Variants in P3H2 observed in about 807,000 individuals in gnomAD.
P3H2 encodes the protein prolyl 3-hydroxylase 2.
A neutral mutation model predicts 87.0 loss-of-function variants in P3H2; 80 were observed. The observed-to-expected ratio is 0.92, with a 90% confidence interval of 0.77 to 1.11. The LOEUF (loss-of-function observed/expected upper bound fraction) is 1.11. Among genes scored for constraint, P3H2 ranks in the 50% least tolerant of loss-of-function variants. The probability of loss-of-function intolerance (pLI) is 0.00; values close to 1 mark genes in which losing one functional copy is unlikely to be tolerated. For missense variants in P3H2, 1,001 were observed against 923.9 expected, an observed-to-expected ratio of 1.08 and a Z score of -1.08; for synonymous variants, 367 against 359.3, an observed-to-expected ratio of 1.02 and a Z score of -0.24.
chr3:189,970,319 A>G (rs1175809471), intron 13 of P3H2, among the ~76,000 whole-genome samples: 1 of 145,110 alleles, frequency 6.9e-6, no homozygotes, highest in Non-Finnish European at 1.5e-5. Flanking sequence ...TAATATATAT[A>G]CACACATACC....
intron 1 of P3H2, among the ~76,000 whole-genome samples, chr3:190,065,034 C>T (rs1350025406): frequency 1.3e-5 from 2 of 152,114 alleles, no homozygotes; most frequent in South Asian, 2.1e-4. Context: ...TGGAGGACTC[C>T]CTGCCTAAAA....
At chr3:190,025,240 C>T (rs189378755) in intron 1 of P3H2, among the ~76,000 whole-genome samples, 244 of 152,042 alleles carry the variant, frequency 1.6e-3, no homozygotes, top group Non-Finnish European at 5.3e-4. Context: ...CCTCAGAGAC[C>T]GTAACTTTTC....
Position 190,103,788 on chromosome 3 carries a change from G to C in P3H2, c.480+16464C>G, listed in dbSNP as rs553590484. On this transcript the variant is annotated intron_variant, in intron 1 of 14. Coordinates refer to ENST00000319332, the MANE Select transcript of P3H2 (RefSeq NM_018192.4). ...GAGATTTTTATTCAACATTAGAAAA[G>C]TTTTTCAGTAGCTTTTTTTTTTCAA... is the stretch of plus-strand genomic sequence containing the variant. Among the ~76,000 whole-genome samples the C allele has an allele frequency of 7.6e-4, 116 of 152,072 alleles. 1 individual carries two copies. The highest frequency in any genetic ancestry group is 1.9e-3 in the South Asian group (9 of 4,808).
chr3:189,998,019 T>G (rs992667645), intron 1 of P3H2, among the ~76,000 whole-genome samples: 3 of 152,168 alleles, frequency 2.0e-5, no homozygotes. Context: ...TGTGGAGGAT[T>G]TTGGAAGGAT....
chr3:190,114,667 C>A (rs1394311326), intron 1 of P3H2, among the ~76,000 whole-genome samples: 2 of 152,030 alleles, frequency 1.3e-5, no homozygotes, highest in Non-Finnish European at 2.9e-5. Flanking sequence ...AGGTTTTCTT[C>A]CTAAGGAGTG....
chr3:190,120,827 C>A lies in P3H2; in HGVS notation c.-96G>T. On this transcript the variant is annotated 5_prime_UTR_variant, in exon 1 of 15. Transcript: ENST00000319332. Reference sequence around the variant, plus strand: ...TCTCCCACCTTCCCTCGGGGAAGCGCGCCGACTCCGCCGCGATCTGGCCGC... The same window carrying A: ...TCTCCCACCTTCCCTCGGGGAAGCGAGCCGACTCCGCCGCGATCTGGCCGC... 6.9e-7 allele frequency: 1 copy of A among 1,446,816 alleles called. No homozygotes were observed. Among genetic ancestry groups the A allele is most frequent in the Non-Finnish European group, 9.1e-7 (1 of 1,100,680 alleles). The allele number at this position is 1,446,816 out of a possible 1,614,324, so 89.6% of individuals were successfully genotyped here.
intron 1 of P3H2, among the ~76,000 whole-genome samples, chr3:190,105,008 G>A (rs1335308431): frequency 1.3e-5 from 2 of 152,184 alleles, no homozygotes; most frequent in East Asian, 1.9e-4. Flanking sequence ...CTAGAAAACT[G>A]TATGCCTTTT....
chr3:190,050,795 T>G (rs1560379447), intron 1 of P3H2, among the ~76,000 whole-genome samples: 1 of 152,282 alleles, frequency 6.6e-6, no homozygotes, highest in East Asian at 1.9e-4. Context: ...TCATGCAAAT[T>G]CTATTACATT....
intron 1 of P3H2, among the ~76,000 whole-genome samples, chr3:190,087,857 T>C (rs1314244538): frequency 6.6e-6 from 1 of 152,198 alleles, no homozygotes; most frequent in African/African-American, 2.4e-5. Context: ...GACCTGATCA[T>C]CTGTGTTTTC....
At chr3:190,059,843 A>G (rs1726280548) in intron 1 of P3H2, among the ~76,000 whole-genome samples, 2 of 152,246 alleles carry the variant, frequency 1.3e-5, no homozygotes, top group South Asian at 4.1e-4. Flanking sequence ...TTGTTTTTCA[A>G]GCTTGGAAAA....
At chr3:190,031,542 C>T (rs1277471923) in intron 1 of P3H2, among the ~76,000 whole-genome samples, 1 of 151,670 alleles carries the variant, frequency 6.6e-6, no homozygotes, top group Non-Finnish European at 1.5e-5. Flanking sequence ...GAGGCTGAGG[C>T]AGGAGAATCA....
chr3:190,059,147 CT>C (rs931511066), intron 1 of P3H2, among the ~76,000 whole-genome samples: 1 of 152,134 alleles, frequency 6.6e-6, no homozygotes, highest in Admixed American at 6.6e-5. Flanking sequence ...CAGTAGCTTC[CT>C]ACCCTACACT....
intron 1 of P3H2, among the ~76,000 whole-genome samples, chr3:190,049,296 G>T (rs1725901628): frequency 6.6e-6 from 1 of 151,908 alleles, no homozygotes; most frequent in African/African-American, 2.4e-5. Flanking sequence ...TATTAATTAA[G>T]TTCTGTGCAC....
At chr3:190,034,669 G>C (rs1264610973) in intron 1 of P3H2, among the ~76,000 whole-genome samples, 1 of 152,060 alleles carries the variant, frequency 6.6e-6, no homozygotes, top group Non-Finnish European at 1.5e-5. Context: ...GGGAATTTTG[G>C]GTGGTGACGT....
At chr3:189,983,583 C>T (rs1723602159) in intron 7 of P3H2, 2 of 157,272 alleles carry the variant, frequency 1.3e-5, no homozygotes, top group Admixed American at 6.2e-5. Context: ...TTGTCATATG[C>T]AAACACACAA....
intron 1 of P3H2, among the ~76,000 whole-genome samples, chr3:190,024,962 C>A (rs1254990446): frequency 6.6e-6 from 1 of 151,954 alleles, no homozygotes; most frequent in Non-Finnish European, 1.5e-5. Flanking sequence ...AAAATCCAGT[C>A]CAAAAACAGA....
chr3:189,987,227 C>G lies in P3H2; in HGVS notation c.1098+300G>C, dbSNP rs7619430. On this transcript the variant is annotated intron_variant, in intron 5 of 14. Transcript: ENST00000319332. ...CGGTGGCTCACGCCTGTAATCCCAG[C>G]ACTTTGGGAGGACGAGGCGGGCAGA... Among the ~76,000 whole-genome samples, 2,291 of 152,240 alleles carry G rather than the reference C, an allele frequency of 0.015. 59 individuals carry two copies. Among genetic ancestry groups the G allele is most frequent in the African/African-American group, 0.052 (2,166 of 41,542 alleles).
chr3:190,120,486 C>G lies in P3H2; in HGVS notation c.246G>C (p.Thr82=), dbSNP rs1430682074. 5 of 1,445,722 alleles carry G rather than the reference C, an allele frequency of 3.5e-6. No homozygotes were observed. Among genetic ancestry groups the G allele is most frequent in the Non-Finnish European group, 4.5e-6 (5 of 1,106,414 alleles). The allele number at this position is 1,445,722 out of a possible 1,614,324, so 89.6% of individuals were successfully genotyped here. A position where few individuals can be genotyped will look rare whatever the true frequency, so the allele number is the denominator to read the frequency against. The change falls in exon 1 of 15, where the codon ACG becomes ACC. Residue 82 remains threonine (T), a synonymous_variant. Transcript: ENST00000319332. ...RSHRRLREIR[T]RCARHCAARH... The stretch of plus-strand genomic sequence containing the variant: ...GCGCCGCGCAGTGGCGGGCACAGCG[C>G]GTGCGGATTTCCCGCAGGCGCCGGT...
At chr3:189,983,220 G>T in intron 7 of P3H2, 80 bp from the exon 8 acceptor site, 1 of 1,029,242 alleles carries the variant, frequency 9.7e-7, no homozygotes, top group Non-Finnish European at 1.5e-6. Context: ...TACCAAGGTA[G>T]TCTGTGACTC....
Sources: allele counts gnomAD v4.1 joint callset (sites outside exome capture counted in the v4.1 genomes callset), GRCh38; gene constraint gnomAD v4.1.1; transcripts MANE v1.5; gene names NCBI Gene and HGNC (gene_info 2026-07-23, HGNC 2026-07-21).